The following HERC1 variants were observed in gnomAD, a reference collection of about 807,000 sequenced individuals.
The protein encoded by HERC1 is probable E3 ubiquitin-protein ligase HERC1.
In HERC1, 160 loss-of-function variants were observed where a neutral mutation model predicts 554.3. That is an observed-to-expected ratio of 0.29 (90% CI 0.25 to 0.33). The LOEUF is 0.33. Ranked by LOEUF, HERC1 falls within the 10% of genes least tolerant of loss-of-function variation. The probability of loss-of-function intolerance (pLI) is 1.00; values close to 1 mark genes in which losing one functional copy is unlikely to be tolerated. For missense variants in HERC1, 4,919 were observed against 5,918.5 expected (o/e 0.83, Z 5.54); for synonymous variants, 2,175 against 2,131.7 (o/e 1.02, Z -0.56).
At chr15:63,651,183 C>T (rs1445848037) in intron 53 of HERC1, 70 bp downstream of exon 53, 6 of 1,430,456 alleles carry the variant, frequency 4.2e-6, no homozygotes, top group Non-Finnish European at 5.8e-6. Flanking sequence ...ACTGTTTGGA[C>T]TCAGAAGACT....
chr15:63,831,665 T>C (rs2078160105), intron 1 of HERC1, among the ~76,000 whole-genome samples: 1 of 152,082 alleles, frequency 6.6e-6, no homozygotes, highest in African/African-American at 2.4e-5. Context: ...ATTTCAAATA[T>C]TAGGGAGTAT....
chr15:63,669,795 T>A, intron 39 of HERC1, 97 bp from the exon 40 acceptor site: 1 of 1,100,892 alleles, frequency 9.1e-7, no homozygotes, highest in Non-Finnish European at 1.3e-6. Context: ...CCTGGAAGAC[T>A]AAACAGGTTA....
chr15:63,610,688 C>G (rs368062090), intron 77 of HERC1, among the ~76,000 whole-genome samples: 7 of 152,264 alleles, frequency 4.6e-5, no homozygotes, highest in African/African-American at 1.7e-4. Flanking sequence ...AGCCTGCAGC[C>G]TCAGGAGGCA....
At chr15:63,712,999 G>A (rs1343538857) in intron 23 of HERC1, 104 bp from the exon 24 acceptor site, 2 of 1,093,418 alleles carry the variant, frequency 1.8e-6, no homozygotes, top group Admixed American at 2.7e-5. Flanking sequence ...ACACAGGGAG[G>A]AGTAATGTCA....
rs529413220 is a variant in HERC1 at position 63,700,339 on chromosome 15, G to T, written c.4637-1343C>A. 2.6e-5 allele frequency among the ~76,000 whole-genome samples: 4 copies of T among 151,538 alleles called. No individual in the cohort carries two copies. The South Asian group carries it at 8.4e-4, about 32-fold the overall frequency. ...TTTCTCAATTAGGGAAGTATCTTAA[G>T]GTACCCAATTAAATATGCATAAAAA... is the stretch of plus-strand genomic sequence containing the variant. On this transcript the variant is annotated intron_variant, in intron 25 of 77. Transcript: ENST00000443617.
In HERC1 at chr15:63,692,451, G is replaced by A. The variant is rs1380026427; in HGVS notation, c.5790C>T (p.Thr1930=). 1.2e-5 allele frequency: 20 copies of A among 1,611,998 alleles called. No individual in the cohort carries two copies. Among genetic ancestry groups the A allele is most frequent in the South Asian group, 7.7e-5 (7 of 90,566 alleles). ...GAGATGCTATATTTAGAAGCACTTC[G>A]GTCCACTTTGGGGAAGCCATTTTTG... is the stretch of plus-strand genomic sequence containing the variant. ...IQSKMASPKW[T]EVLLNIASQK... Residue 1930 remains threonine (T), a synonymous_variant, in exon 31 of 78, where the codon ACC becomes ACT. Coordinates refer to ENST00000443617, the MANE Select transcript of HERC1 (RefSeq NM_003922.4). The surrounding 1 kb of genome is among the most constrained non-coding windows in gnomAD (Gnocchi z 4.7).
At chr15:63,788,893 A>AT (rs2076539033) in intron 1 of HERC1, among the ~76,000 whole-genome samples, 1 of 150,966 alleles carries the variant, frequency 6.6e-6, no homozygotes, top group Admixed American at 6.6e-5. Flanking sequence ...AAAAAAAAAA[A>AT]TTTAGCAATG....
chr15:63,732,547 G>A (rs2074340818), intron 14 of HERC1, among the ~76,000 whole-genome samples: 1 of 152,078 alleles, frequency 6.6e-6, no homozygotes, highest in African/African-American at 2.4e-5. Flanking sequence ...AAAGCTATAG[G>A]GTCCACTGTC....
chr15:63,612,638 CT>C lies in HERC1; in HGVS notation c.14095-83del. 2 of 1,348,840 alleles carry C rather than the reference CT, an allele frequency of 1.5e-6. No individual in the cohort carries two copies. Among genetic ancestry groups the C allele is most frequent in the Non-Finnish European group, 2.0e-6 (2 of 979,732 alleles). 83.6% of individuals were successfully genotyped at this position (1,348,840 alleles called of 1,614,324 possible). ...AGGGCCCTGTGGGGCTAGGCGCCTCCTGATGCCTGCTCGTCCGCTCCCCAGA... is the reference window on the plus strand; with the variant it reads ...AGGGCCCTGTGGGGCTAGGCGCCTCCGATGCCTGCTCGTCCGCTCCCCAGA... On this transcript the variant is annotated intron_variant, in intron 76 of 77. Transcript: ENST00000443617. The surrounding 1 kb of genome is among the most constrained non-coding windows in gnomAD (Gnocchi z 5.0).
intron 1 of HERC1, among the ~76,000 whole-genome samples, chr15:63,826,814 AATATATAT>A (rs1555454978): frequency 5.4e-4 from 12 of 22,262 alleles, no homozygotes; most frequent in South Asian, 3.6e-3. Context: ...AAAAAAAAAA[AATATATAT>A]ATATATATAT....
chr15:63,751,446 A>G (rs2075242364), intron 8 of HERC1, among the ~76,000 whole-genome samples: 1 of 152,216 alleles, frequency 6.6e-6, no homozygotes, highest in African/African-American at 2.4e-5. Context: ...CTCAGAACAT[A>G]TCCCATTAAG....
chr15:63,718,450 A>G lies in HERC1; in HGVS notation c.3978+124T>C. ...TTTTTTTTTTTCTGCTAGGAAAAGAACTACTCAACATGTATTGAACATATG... is the reference window on the plus strand; with the variant it reads ...TTTTTTTTTTTCTGCTAGGAAAAGAGCTACTCAACATGTATTGAACATATG... On this transcript the variant is annotated intron_variant, in intron 21 of 77. Transcript: ENST00000443617. This position sits in a 1 kb window ranked among gnomAD's most constrained non-coding sequence, Gnocchi z 4.2. 1 of 776,956 alleles carries G rather than the reference A, an allele frequency of 1.3e-6. No homozygotes were observed. Among genetic ancestry groups the G allele is most frequent in the Non-Finnish European group, 1.9e-6 (1 of 531,400 alleles). 48.1% of individuals were successfully genotyped at this position (776,956 alleles called of 1,614,324 possible).
At chr15:63,759,262 TC>T (rs1275323664) in intron 3 of HERC1, among the ~76,000 whole-genome samples, 2 of 152,178 alleles carry the variant, frequency 1.3e-5, no homozygotes, top group African/African-American at 4.8e-5. Context: ...AGAAGGCTGT[TC>T]TAAAAACAGC....
chr15:63,824,458 C>T (rs951048317), intron 1 of HERC1, among the ~76,000 whole-genome samples: 2 of 148,448 alleles, frequency 1.3e-5, no homozygotes, highest in Non-Finnish European at 3.0e-5. Flanking sequence ...CACTTGAACC[C>T]GGGAGGCAGA....
chr15:63,732,884 C>T, intron 14 of HERC1, 40 bp downstream of exon 14: 1 of 1,280,652 alleles, frequency 7.8e-7, no homozygotes, highest in Non-Finnish European at 1.1e-6. Context: ...AGATCCCTAC[C>T]CCTTTATTCT....
In HERC1 at chr15:63,612,335, G is replaced by A; in HGVS notation, c.14316C>T (p.Phe4772=). 6.2e-7 allele frequency: 1 copy of A among 1,614,042 alleles called. No homozygotes were observed. The highest frequency in any genetic ancestry group is 8.5e-7 in the Non-Finnish European group (1 of 1,179,898). The change falls in exon 77 of 78, where the codon TTC becomes TTT. Residue 4772 remains phenylalanine, a synonymous_variant. Transcript: ENST00000443617. The surrounding 1 kb of genome is among the most constrained non-coding windows in gnomAD (Gnocchi z 5.0). The stretch of plus-strand genomic sequence containing the variant: ...GAGATCTTCCTGACACAAACCTCAT[G>A]AAAAGCACCCGCTCCTCATTGGAGA... The part of the protein sequence containing the change: ...EEFSNEERVL[F]MRFVSGRSRL...
chr15:63,705,317 C>CT (rs202087825), intron 25 of HERC1, among the ~76,000 whole-genome samples: 13 of 148,852 alleles, frequency 8.7e-5, no homozygotes, highest in South Asian at 8.5e-4. Flanking sequence ...CCACGCCTAG[C>CT]TTTTTTTTTT....
At chr15:63,757,158 A>G (rs918486464) in intron 4 of HERC1, among the ~76,000 whole-genome samples, 2 of 152,128 alleles carry the variant, frequency 1.3e-5, no homozygotes, top group Non-Finnish European at 2.9e-5. Context: ...AATGAAAGTA[A>G]TAATCAAATA....
At chr15:63,821,371 A>G (rs1283862749) in intron 1 of HERC1, among the ~76,000 whole-genome samples, 1 of 151,748 alleles carries the variant, frequency 6.6e-6, no homozygotes, top group Non-Finnish European at 1.5e-5. Flanking sequence ...TGACCAACAT[A>G]GCAAAACCCC....
Sources: gnomAD v4.1 joint callset for allele counts (sites outside exome capture counted in the v4.1 genomes callset) on GRCh38, gnomAD v4.1.1 for gene constraint, Gnocchi (gnomAD v3.1) non-coding constraint, MANE v1.5 for transcripts, NCBI Gene and HGNC (gene_info 2026-07-23, HGNC 2026-07-21) for gene names.